Variants in DCX observed in about 807,000 individuals in gnomAD.
DCX encodes the protein doublecortin, also known as neuronal migration protein doublecortin.
A neutral mutation model predicts 20.9 loss-of-function variants in DCX; 4 were observed. The observed-to-expected ratio is 0.19, with a 90% CI of 0.09 to 0.44. DCX has a LOEUF of 0.44. Among genes scored for constraint, DCX ranks in the 20% least tolerant of loss-of-function variants. The pLI, the probability that DCX is intolerant of heterozygous loss-of-function variation, is 0.99. For synonymous variants in DCX, 103 were observed against 111.4 expected, an observed-to-expected ratio of 0.92 and a Z score of 0.47; for missense variants, 133 against 296.9, an observed-to-expected ratio of 0.45 and a Z score of 4.06.
At chrX:111,369,358 A>G (rs1191066187) in intron 3 of DCX, among the ~76,000 whole-genome samples, 1 of 111,461 alleles carries the variant, frequency 9.0e-6, no homozygotes, top group Admixed American at 9.6e-5. Flanking sequence ...AAATTATACA[A>G]TTCCATGGAT....
rs1365526425 is a variant in DCX, at chrX:111,308,728, A to T, written c.1044+3911T>A. On this transcript the variant is annotated intron_variant, in intron 6 of 6. Coordinates refer to ENST00000636035, the MANE Select transcript of DCX (RefSeq NM_001195553.2). Reference sequence around the variant, plus strand: ...AATAATGTTATTTATATTTTCAAATAATATGTTGAATATACTTTCCTCTAG... The same window carrying T: ...AATAATGTTATTTATATTTTCAAATTATATGTTGAATATACTTTCCTCTAG... Among the ~76,000 whole-genome samples, 4 of 111,996 alleles carry T rather than the reference A, an allele frequency of 3.6e-5. No individual in the cohort carries two copies. In the Admixed American group the frequency reaches 3.8e-4, roughly 11 times the overall value.
At chrX:111,365,744 C>G (rs1003172367) in intron 3 of DCX, among the ~76,000 whole-genome samples, 1 of 111,484 alleles carries the variant, frequency 9.0e-6, no homozygotes, top group Admixed American at 9.5e-5. Context: ...GCCACCTGGA[C>G]AAATCCACTA....
At chrX:111,375,467 T>A (rs186629348) in intron 3 of DCX, among the ~76,000 whole-genome samples, 43 of 111,387 alleles carry the variant, frequency 3.9e-4, no homozygotes, top group African/African-American at 1.4e-3. Flanking sequence ...CCATGAGTAG[T>A]CTAGACAGTA....
intron 4 of DCX, 57 bp downstream of exon 4, chrX:111,332,994 C>A (rs966230476): frequency 1.1e-6 from 1 of 911,108 alleles, no homozygotes; most frequent in Non-Finnish European, 1.6e-6. Flanking sequence ...CATGGAAATC[C>A]TAAAGGATAG....
chrX:111,345,672 G>A (rs926717780), intron 3 of DCX, among the ~76,000 whole-genome samples: 1 of 111,469 alleles, frequency 9.0e-6, no homozygotes, highest in Non-Finnish European at 1.9e-5. Flanking sequence ...TTAGAGAAAT[G>A]CAAATCAAAA....
chrX:111,399,966 C>G (rs1316488172), intron 3 of DCX, among the ~76,000 whole-genome samples: 1 of 112,058 alleles, frequency 8.9e-6, no homozygotes, highest in African/African-American at 3.2e-5. Context: ...ACATTACTAT[C>G]AGAAATTATA....
chrX:111,295,565 G>C lies in DCX; in HGVS notation c.*6122C>G, dbSNP rs976737697. 9 of 111,566 alleles carry C rather than the reference G, an allele frequency of 8.1e-5. No individual in the cohort carries two copies. The highest frequency in any genetic ancestry group is 2.6e-4 in the African/African-American group (8 of 30,578). 9.2% of individuals were successfully genotyped at this position (111,566 alleles called of 1,213,427 possible). A position where few individuals can be genotyped will look rare whatever the true frequency, so the allele number is the denominator to read the frequency against. ...GCAATTACTCCCCCACCCCCATCCA[G>C]CCAAAACAAATGACAGGAGAAATTA... On this transcript the variant is annotated 3_prime_UTR_variant, in exon 7 of 7. Transcript: ENST00000636035.
chrX:111,396,899 T>C (rs377394475), intron 3 of DCX, among the ~76,000 whole-genome samples: 117 of 111,298 alleles, frequency 1.1e-3, no homozygotes, highest in Non-Finnish European at 1.8e-3. Context: ...GAGGAATCAA[T>C]TGGGGTGTCT....
chrX:111,305,966 A>C (rs983151716), intron 6 of DCX, among the ~76,000 whole-genome samples: 6 of 111,734 alleles, frequency 5.4e-5, no homozygotes, highest in Non-Finnish European at 1.1e-4. Flanking sequence ...AAGTGAATTA[A>C]AATAGTGCAC....
At chrX:111,345,514 CA>C (rs1922725249) in intron 3 of DCX, among the ~76,000 whole-genome samples, 1 of 111,253 alleles carries the variant, frequency 9.0e-6, no homozygotes, top group African/African-American at 3.3e-5. Context: ...GTCTAATATC[CA>C]GAATTTACAA....
intron 5 of DCX, among the ~76,000 whole-genome samples, chrX:111,314,042 C>T (rs2095063782): frequency 8.9e-6 from 1 of 111,891 alleles, no homozygotes; most frequent in Non-Finnish European, 1.9e-5. Context: ...CCTGAGGATA[C>T]ATTCCTTCTG....
At chrX:111,339,174 T>C (rs748638660) in intron 3 of DCX, among the ~76,000 whole-genome samples, 4 of 112,183 alleles carry the variant, frequency 3.6e-5, no homozygotes, top group Non-Finnish European at 7.5e-5. Flanking sequence ...TTTTATTTTT[T>C]ATTTACATAT....
chrX:111,397,657 T>C (rs1379410308), intron 3 of DCX, among the ~76,000 whole-genome samples: 3 of 111,979 alleles, frequency 2.7e-5, no homozygotes, highest in Non-Finnish European at 5.6e-5. Flanking sequence ...GTTTAATTTG[T>C]GGTCACCCTG....
chrX:111,338,788 A>G (rs1242333296), intron 3 of DCX, among the ~76,000 whole-genome samples: 2 of 106,465 alleles, frequency 1.9e-5, no homozygotes, highest in Non-Finnish European at 3.9e-5. Context: ...TTACATTTGT[A>G]TGGTATTTTT....
intron 3 of DCX, among the ~76,000 whole-genome samples, chrX:111,368,901 T>TATATACACAC (rs1467693516): frequency 1.2e-4 from 12 of 98,280 alleles, no homozygotes; most frequent in African/African-American, 4.1e-4. Flanking sequence ...TATATATACA[T>TATATACACAC]ACACACACAC....
chrX:111,336,553 T>A (rs1921754758), intron 3 of DCX, among the ~76,000 whole-genome samples: 1 of 112,031 alleles, frequency 8.9e-6, no homozygotes, highest in Non-Finnish European at 1.9e-5. Context: ...TGTTACAGGG[T>A]TGGGAAAATA....
intron 6 of DCX, among the ~76,000 whole-genome samples, chrX:111,305,836 T>G (rs1321004588): frequency 9.0e-6 from 1 of 110,998 alleles, no homozygotes; most frequent in African/African-American, 3.3e-5. Context: ...GGCAAAATTT[T>G]TATATATAAT....
chrX:111,338,581 C>CTTTTTT (rs758262346), intron 3 of DCX, among the ~76,000 whole-genome samples: 1 of 96,019 alleles, frequency 1.0e-5, no homozygotes, highest in Non-Finnish European at 2.1e-5. Flanking sequence ...ACAATCCTGA[C>CTTTTTT]TTTTTTTTTT....
chrX:111,365,898 G>T (rs1225431826), intron 3 of DCX, among the ~76,000 whole-genome samples: 3 of 111,243 alleles, frequency 2.7e-5, no homozygotes, highest in African/African-American at 9.8e-5. Context: ...CTCACTCTTT[G>T]CTGTGGGGTT....
Sources: gnomAD v4.1 joint callset for allele counts (sites outside exome capture counted in the v4.1 genomes callset) on GRCh38, gnomAD v4.1.1 for gene constraint, MANE v1.5 for transcripts, NCBI Gene and HGNC (gene_info 2026-07-23, HGNC 2026-07-21) for gene names.